NUMA1: variants seen among roughly 807,000 people sequenced by gnomAD.
The protein encoded by NUMA1 is nuclear mitotic apparatus protein 1, also known as SP-H antigen.
A neutral mutation model predicts 237.1 loss-of-function variants in NUMA1; 62 were observed. That is an observed-to-expected ratio of 0.26 (90% CI 0.21 to 0.32). NUMA1 has a LOEUF of 0.32. Among genes scored for constraint, NUMA1 ranks in the 10% least tolerant of loss-of-function variants. The pLI is 1.00. For missense variants in NUMA1, 2,533 were observed against 2,666.5 expected, an observed-to-expected ratio of 0.95 and a Z score of 1.10; for synonymous variants, 1,028 against 1,066.1, an observed-to-expected ratio of 0.96 and a Z score of 0.70.
At chr11:72,033,671 C>T (rs952830737) in intron 3 of NUMA1, among the ~76,000 whole-genome samples, 3 of 152,098 alleles carry the variant, frequency 2.0e-5, no homozygotes, top group African/African-American at 7.2e-5. Flanking sequence ...TGCACCTGGC[C>T]TCATGCATAT....
chr11:72,009,308 A>G lies in NUMA1; in HGVS notation c.4799T>C (p.Leu1600Ser). The change falls in exon 18 of 27, where the codon TTG (leucine) becomes TCG (serine). Residue 1600 changes from leucine to serine, a missense_variant. Coordinates refer to ENST00000393695, the MANE Select transcript of NUMA1 (RefSeq NM_006185.4). ...QAQLNELQAQLSQKEQAAEHY... is the reference protein window; with the variant it reads ...QAQLNELQAQSSQKEQAAEHY... ...CTCAGCTGCCTGCTCCTTCTGGCTCAACTGGGCTTGCAGTTCATTCAGCTG... is the reference window on the plus strand; with the variant it reads ...CTCAGCTGCCTGCTCCTTCTGGCTCGACTGGGCTTGCAGTTCATTCAGCTG... The G allele has an allele frequency of 1.2e-6, 2 of 1,613,582 alleles. No homozygotes were observed. The highest frequency in any genetic ancestry group is 1.7e-6 in the Non-Finnish European group (2 of 1,179,970).
At chr11:72,039,455 C>T (rs755474946) in intron 2 of NUMA1, among the ~76,000 whole-genome samples, 2 of 152,182 alleles carry the variant, frequency 1.3e-5, no homozygotes, top group African/African-American at 2.4e-5. Flanking sequence ...CAAGATAACA[C>T]CAAAGTGACC....
chr11:72,044,509 T>C (rs1166505437), intron 2 of NUMA1, among the ~76,000 whole-genome samples: 1 of 151,870 alleles, frequency 6.6e-6, no homozygotes, highest in Non-Finnish European at 1.5e-5. Flanking sequence ...TCTGCCTCTC[T>C]AGATTTTACT....
Position 72,013,451 on chromosome 11 carries a change from G to C in NUMA1, c.4052C>G (p.Thr1351Ser). ...QALSTLQLEH[T>S]STQALVSELL... ...CTCACTCACCAGGGCCTGTGTGCTG[G>C]TGTGCTCGAGCTGCAGGGTGGAGAG... The change falls in exon 15 of 27, where the codon ACC (threonine) becomes AGC (serine). Residue 1351 changes from threonine (T) to serine (S), a missense_variant. Transcript: ENST00000393695. The surrounding 1 kb of genome is among the most constrained non-coding windows in gnomAD (Gnocchi z 6.8). 1 of 1,613,364 alleles carries C rather than the reference G, an allele frequency of 6.2e-7. No homozygotes were observed. Among genetic ancestry groups the C allele is most frequent in the Non-Finnish European group, 8.5e-7 (1 of 1,180,010 alleles).
At chr11:72,056,777 A>G (rs1463208018) in intron 2 of NUMA1, among the ~76,000 whole-genome samples, 2 of 152,114 alleles carry the variant, frequency 1.3e-5, no homozygotes, top group African/African-American at 4.8e-5. Flanking sequence ...ATAAGGATGT[A>G]CAAAATTCTT....
chr11:72,031,644 TA>T (rs1383730966), intron 3 of NUMA1, among the ~76,000 whole-genome samples: 1 of 150,528 alleles, frequency 6.6e-6, no homozygotes, highest in Non-Finnish European at 1.5e-5. Flanking sequence ...AATAATAATT[TA>T]AAAAAATTTT....
Position 72,018,607 on chromosome 11 carries a change from G to A in NUMA1, c.743-94C>T, listed in dbSNP as rs551332971. 1.6e-4 allele frequency: 193 copies of A among 1,197,288 alleles called. 3 individuals are homozygous for A. In the South Asian group the frequency reaches 2.4e-3, roughly 15 times the overall value. The allele number at this position is 1,197,288 out of a possible 1,614,324, so 74.2% of individuals were successfully genotyped here. On this transcript the variant is annotated intron_variant, in intron 10 of 26. Coordinates refer to ENST00000393695, the MANE Select transcript of NUMA1 (RefSeq NM_006185.4). ...AACTATGTGCACAAGGGGAAGGGAGGAGACGGCATAGGGAAGAGGAGGAAT... is the reference window on the plus strand; with the variant it reads ...AACTATGTGCACAAGGGGAAGGGAGAAGACGGCATAGGGAAGAGGAGGAAT...
At chr11:72,005,957 G>GCTTT (rs1198126338) in intron 22 of NUMA1, 78 bp downstream of exon 22, 3 of 1,240,182 alleles carry the variant, frequency 2.4e-6, no homozygotes, top group Non-Finnish European at 3.4e-6. Context: ...TTTTTAAAAA[G>GCTTT]CTTTCCTCTT....
Position 72,029,290 on chromosome 11 carries a change from C to T in NUMA1, c.43G>A (p.Val15Met), listed in dbSNP as rs764021799. ...GGGTCAGCCACGTGTAGACTGTTCA[C>T]CTGTAAATCAAAGGGAACAGCCTAG... ...ATRGAALLSW[V>M]NSLHVADPVE... is the part of the protein sequence containing the mutation. The change falls in exon 4 of 27, where the codon GTG (valine) becomes ATG (methionine). Residue 15 changes from valine (V) to methionine (M), a missense_variant and splice_region_variant. By Grantham distance (21) the Val-to-Met change is conservative. Around this residue, in one of 3 missense-constraint regions of NUMA1, gnomAD observed 1,414 missense variants for 1,508.1 expected, o/e 0.94. Coordinates refer to ENST00000393695, the MANE Select transcript of NUMA1 (RefSeq NM_006185.4). 23 of 1,602,618 alleles carry T rather than the reference C, an allele frequency of 1.4e-5. No individual in the cohort carries two copies. In the South Asian group the frequency reaches 2.2e-4, roughly 15 times the overall value.
rs1236711439 is a variant in NUMA1 at position 72,017,720 on chromosome 11, C to T, written c.1086G>A (p.Leu362=). 1 of 1,613,354 alleles carries T rather than the reference C, an allele frequency of 6.2e-7. No homozygotes were observed. The highest frequency in any genetic ancestry group is 8.5e-7 in the Non-Finnish European group (1 of 1,180,040). ...GCAGGGCTGCGCTGAGCTCCTTCTCCAGCTGGGCCTGCTTCTCTAGCCACT... is the reference window on the plus strand; with the variant it reads ...GCAGGGCTGCGCTGAGCTCCTTCTCTAGCTGGGCCTGCTTCTCTAGCCACT... The part of the protein sequence containing the change: ...TQEWLEKQAQ[L]EKELSAALQD... The change falls in exon 13 of 27, where the codon CTG becomes CTA. Residue 362 remains leucine (L), a synonymous_variant. Coordinates refer to ENST00000393695, the MANE Select transcript of NUMA1 (RefSeq NM_006185.4).
In NUMA1 at chr11:72,014,604, G is replaced by C. The variant is rs1408180767; in HGVS notation, c.2899C>G (p.Leu967Val). ...GRQFCSTQAALQAMEREAEQM... is the reference protein window; with the variant it reads ...GRQFCSTQAAVQAMEREAEQM... ...TCTGCCTCCCGCTCCATAGCCTGCA[G>C]CGCTGCCTGTGTGCTGCAGAACTGG... The change falls in exon 15 of 27, where the codon CTG (leucine) becomes GTG (valine). Residue 967 changes from leucine to valine, a missense_variant. Leu to Val is a conservative substitution (Grantham distance 32). Transcript: ENST00000393695. This position sits in a 1 kb window ranked among gnomAD's most constrained non-coding sequence, Gnocchi z 4.6. 1 of 1,607,198 alleles carries C rather than the reference G, an allele frequency of 6.2e-7. No individual in the cohort carries two copies. The highest frequency in any genetic ancestry group is 2.2e-5 in the East Asian group (1 of 44,882).
chr11:72,007,735 T>C, intron 20 of NUMA1: 1 of 445,550 alleles, frequency 2.2e-6, no homozygotes, highest in Non-Finnish European at 4.1e-6. Flanking sequence ...CCCACTTCTC[T>C]GTTCTTCCTC....
At chr11:72,036,920 C>T (rs879536118) in intron 2 of NUMA1, among the ~76,000 whole-genome samples, 2 of 152,178 alleles carry the variant, frequency 1.3e-5, no homozygotes, top group Non-Finnish European at 2.9e-5. Context: ...TCCTGCCACA[C>T]GTGCTCAGTC....
chr11:72,049,560 A>ACATATATATATATATAT (rs59229987), intron 2 of NUMA1: 1 of 41,004 alleles, frequency 2.4e-5, no homozygotes, highest in African/African-American at 8.5e-5. Flanking sequence ...AAATAATAAT[A>ACATATATATATATATAT]ATATATATAT....
chr11:72,067,137 A>G (rs942356671), intron 2 of NUMA1: 2 of 152,208 alleles, frequency 1.3e-5, no homozygotes, highest in African/African-American at 2.4e-5. Flanking sequence ...CTTCTTAGTG[A>G]GCTTGCTAGG....
intron 1 of NUMA1, 40 bp downstream of exon 1, chr11:72,080,418 T>A (rs1591115463): frequency 6.6e-6 from 1 of 152,090 alleles, no homozygotes; most frequent in African/African-American, 2.4e-5. Context: ...CCCGCAGGGG[T>A]GCCCAGGCCG....
chr11:72,012,507 G>A (rs2070518017), intron 15 of NUMA1, 65 bp from the exon 16 acceptor site: 4 of 1,494,496 alleles, frequency 2.7e-6, no homozygotes, highest in Admixed American at 1.7e-5. Context: ...CAGCCCTGCT[G>A]CCAGGCTGAC....
intron 2 of NUMA1, among the ~76,000 whole-genome samples, chr11:72,052,363 C>CA (rs908839715): frequency 6.6e-6 from 1 of 151,976 alleles, no homozygotes; most frequent in African/African-American, 2.4e-5. Flanking sequence ...AGAGTTTCAC[C>CA]AAAAAGTAAA....
In NUMA1 at chr11:72,013,339, G is replaced by A; in HGVS notation, c.4164C>T (p.Ser1388=). ...CCCGCAGTCCCCCAGCGGCCTGCTT[G>A]CTCTGCTCCAGCTCCTCACGGTGGC... The part of the protein sequence containing the change: ...EKRHREELEQ[S]KQAAGGLRAE... Residue 1388 remains serine, a synonymous_variant, in exon 15 of 27, where the codon AGC becomes AGT. Transcript: ENST00000393695. The surrounding 1 kb of genome is among the most constrained non-coding windows in gnomAD (Gnocchi z 6.8). 1 of 1,607,524 alleles carries A rather than the reference G, an allele frequency of 6.2e-7. No homozygotes were observed. Among genetic ancestry groups the A allele is most frequent in the South Asian group, 1.1e-5 (1 of 91,050 alleles).
Sources: gnomAD v4.1 joint callset for allele counts (sites outside exome capture counted in the v4.1 genomes callset) on GRCh38, gnomAD v4.1.1 for gene constraint, gnomAD v4.1.1 regional missense constraint, Gnocchi (gnomAD v3.1) non-coding constraint, MANE v1.5 for transcripts, NCBI Gene and HGNC (gene_info 2026-07-23, HGNC 2026-07-21) for gene names.